Variants in PTPRN2 observed in about 807,000 individuals in gnomAD.
PTPRN2 encodes the protein receptor-type tyrosine-protein phosphatase N2.
Under a neutral mutation model 118.8 loss-of-function variants are expected in PTPRN2, and 74 were observed. The ratio of observed to expected loss-of-function variants is 0.62; its 90% CI spans 0.52 to 0.76. The LOEUF (loss-of-function observed/expected upper bound fraction) is 0.76, where lower values mean the gene tolerates loss of function less well. Ranked by LOEUF, PTPRN2 falls within the 30% of genes least tolerant of loss-of-function variation. PTPRN2 has a pLI of 0.00. For synonymous variants in PTPRN2, 641 were observed against 608.0 expected, an observed-to-expected ratio of 1.05 and a Z score of -0.80; for missense variants, 1,481 against 1,394.4, an observed-to-expected ratio of 1.06 and a Z score of -0.99.
intron 6 of PTPRN2, among the ~76,000 whole-genome samples, chr7:158,160,538 G>A (rs1414244709): frequency 6.6e-6 from 1 of 152,172 alleles, no homozygotes; most frequent in Non-Finnish European, 1.5e-5. Flanking sequence ...AATGAAGAAT[G>A]TCCTTTTTGT....
intron 1 of PTPRN2, among the ~76,000 whole-genome samples, chr7:158,549,965 C>T (rs1035186276): frequency 1.3e-5 from 2 of 152,238 alleles, no homozygotes; most frequent in African/African-American, 4.8e-5. Context: ...CTCCCCCTTG[C>T]CCTCGTCCTG....
chr7:158,358,810 A>C (rs1425219801), intron 2 of PTPRN2, among the ~76,000 whole-genome samples: 1 of 152,238 alleles, frequency 6.6e-6, no homozygotes, highest in Non-Finnish European at 1.5e-5. Flanking sequence ...AGTCAGCATT[A>C]ATGCGCACAG....
At chr7:157,856,285 TGAAAC>T (rs1390774229) in intron 12 of PTPRN2, among the ~76,000 whole-genome samples, 4 of 152,276 alleles carry the variant, frequency 2.6e-5, no homozygotes, top group Non-Finnish European at 4.4e-5. Flanking sequence ...CCCAGTTGTC[TGAAAC>T]ATTTCACACG....
Position 157,576,601 on chromosome 7 carries a change from C to CAGAA in PTPRN2, c.2783+11_2783+12insTTCT. ...AGCGCGCACTGCCCTGCCGGCGGGC[C>CAGAA]GCGCGTCATACCTGCGGAAGTCCAG... On this transcript the variant is annotated intron_variant, in intron 19 of 22. Coordinates refer to ENST00000389418, the MANE Select transcript of PTPRN2 (RefSeq NM_002847.5). 6.2e-7 allele frequency: 1 copy of CAGAA among 1,600,622 alleles called. No homozygotes were observed. The highest frequency in any genetic ancestry group is 1.1e-5 in the South Asian group (1 of 89,360).
chr7:158,535,481 C>T (rs1825593383), intron 1 of PTPRN2, among the ~76,000 whole-genome samples: 1 of 152,108 alleles, frequency 6.6e-6, no homozygotes, highest in Non-Finnish European at 1.5e-5. Context: ...TCTCCTGATA[C>T]AGAACTGTGT....
rs187711314 is a variant in PTPRN2, at chr7:157,539,195, T to G, written c.*1519A>C. On this transcript the variant is annotated 3_prime_UTR_variant, in exon 23 of 23. Coordinates refer to ENST00000389418, the MANE Select transcript of PTPRN2 (RefSeq NM_002847.5). ...TTCAGATAAATTCATTTCGATTAAT[T>G]AAATTCCAGATAGAGAGAAGTAATT... 12 of 152,356 alleles carry G rather than the reference T, an allele frequency of 7.9e-5. No individual in the cohort carries two copies. Among genetic ancestry groups the G allele is most frequent in the Non-Finnish European group, 1.6e-4 (11 of 68,036 alleles). The allele number at this position is 152,356 out of a possible 1,614,324, so 9.4% of individuals were successfully genotyped here.
At chr7:158,104,296 G>A (rs1474201815) in intron 10 of PTPRN2, among the ~76,000 whole-genome samples, 5 of 152,210 alleles carry the variant, frequency 3.3e-5, no homozygotes, top group Non-Finnish European at 5.9e-5. Context: ...AGACAATGGA[G>A]GTCAGGTGAA....
intron 3 of PTPRN2, among the ~76,000 whole-genome samples, chr7:158,244,729 T>C (rs1242576936): frequency 1.2e-4 from 1 of 8,246 alleles, no homozygotes; most frequent in African/African-American, 8.2e-4. Flanking sequence ...AGAGTGAAAG[T>C]GTGTGTGTGT....
At chr7:157,776,601 T>TCC (rs1269188915) in intron 12 of PTPRN2, among the ~76,000 whole-genome samples, 2 of 72 alleles carry the variant, frequency 0.028, no homozygotes, top group African/African-American at 0.083. Flanking sequence ...CCTCTCCTCC[T>TCC]CTCTCCTCCT....
At chr7:158,155,739 C>T (rs62480250) in intron 6 of PTPRN2, among the ~76,000 whole-genome samples, 279 of 64,620 alleles carry the variant, frequency 4.3e-3, no homozygotes, top group Admixed American at 9.6e-3. Context: ...ACCATCATCA[C>T]CATCATCACC....
chr7:158,424,914 G>A (rs577174989), intron 2 of PTPRN2, among the ~76,000 whole-genome samples: 1 of 152,066 alleles, frequency 6.6e-6, no homozygotes, highest in Admixed American at 6.6e-5. Context: ...GGATCTCGGG[G>A]CCCACAGGCA....
chr7:158,380,768 T>G (rs1386900213), intron 2 of PTPRN2, among the ~76,000 whole-genome samples: 2 of 152,244 alleles, frequency 1.3e-5, no homozygotes, highest in Non-Finnish European at 2.9e-5. Flanking sequence ...AGGTTCTCCA[T>G]GAGGGCCCCA....
chr7:158,125,990 C>T (rs1002118505), intron 9 of PTPRN2, among the ~76,000 whole-genome samples: 3 of 152,032 alleles, frequency 2.0e-5, no homozygotes, highest in Admixed American at 6.6e-5. Context: ...AGGATTGGAA[C>T]TTCCTCTCCA....
intron 3 of PTPRN2, among the ~76,000 whole-genome samples, chr7:158,296,778 C>T (rs1200714821): frequency 1.3e-5 from 2 of 152,248 alleles, no homozygotes; most frequent in African/African-American, 4.8e-5. Flanking sequence ...TTCATCTCAA[C>T]CCTCCTGACC....
chr7:157,636,793 AAT>A (rs1804347468), intron 14 of PTPRN2, among the ~76,000 whole-genome samples: 1 of 152,246 alleles, frequency 6.6e-6, no homozygotes, highest in Non-Finnish European at 1.5e-5. Flanking sequence ...AAACTCCCCC[AAT>A]TCTTTTCCCG....
At position 157,752,931 on chromosome 7, in the gene PTPRN2, C is replaced by G. The variant is rs536945161; in HGVS notation, c.1789-69994G>C. ...CTTATGACAAACATCTGGCAGCACC[C>G]ACTCCTGCTGGAAGCCCAGACAGTC... is the stretch of plus-strand genomic sequence containing the variant. On this transcript the variant is annotated intron_variant, in intron 12 of 22. Coordinates refer to ENST00000389418, the MANE Select transcript of PTPRN2 (RefSeq NM_002847.5). 4.5e-4 allele frequency among the ~76,000 whole-genome samples: 68 copies of G among 151,390 alleles called. 1 individual carries two copies. The South Asian group carries it at 0.012, about 27-fold the overall frequency.
intron 3 of PTPRN2, among the ~76,000 whole-genome samples, chr7:158,213,646 A>G (rs775632112): frequency 3.3e-5 from 5 of 152,206 alleles, no homozygotes; most frequent in African/African-American, 9.6e-5. Context: ...AACACCCACT[A>G]TGAAATGTAC....
intron 11 of PTPRN2, among the ~76,000 whole-genome samples, chr7:157,918,418 G>A (rs1798529655): frequency 1.3e-5 from 2 of 152,222 alleles, no homozygotes; most frequent in Admixed American, 1.3e-4. Context: ...CAGGAGGGAA[G>A]CTGAGGAGCT....
At chr7:158,035,578 C>T (rs965476121) in intron 11 of PTPRN2, among the ~76,000 whole-genome samples, 10 of 152,170 alleles carry the variant, frequency 6.6e-5, no homozygotes, top group Admixed American at 2.0e-4. Context: ...TGCATACCTG[C>T]CCTGCACAAA....
Sources: allele counts gnomAD v4.1 joint callset (sites outside exome capture counted in the v4.1 genomes callset), GRCh38; gene constraint gnomAD v4.1.1; transcripts MANE v1.5; gene names NCBI Gene and HGNC (gene_info 2026-07-23, HGNC 2026-07-21).